Variants in YPEL5 observed in about 807,000 individuals in gnomAD.
The protein encoded by YPEL5 is yippee like 5.
In YPEL5, 1 loss-of-function variant was observed where a neutral mutation model predicts 10.5. The ratio of observed to expected loss-of-function variants is 0.10; its 90% CI spans 0.03 to 0.45. YPEL5 has a LOEUF of 0.45. Among genes scored for constraint, YPEL5 ranks in the 20% least tolerant of loss-of-function variants. The probability of loss-of-function intolerance (pLI) is 0.97; values close to 1 mark genes in which losing one functional copy is unlikely to be tolerated. For missense variants in YPEL5, 68 were observed against 159.3 expected, an observed-to-expected ratio of 0.43 and a Z score of 3.09; for synonymous variants, 61 against 56.6, an observed-to-expected ratio of 1.08 and a Z score of -0.35.
chr2:30,156,822 G>A, intron 2 of YPEL5, 30 bp downstream of exon 2: 1 of 1,613,054 alleles, frequency 6.2e-7, no homozygotes. Flanking sequence ...ATTCCTAAGT[G>A]GGCTTATTGG....
At chr2:30,157,080 C>G (rs1042699038) in intron 2 of YPEL5, among the ~76,000 whole-genome samples, 1 of 152,068 alleles carries the variant, frequency 6.6e-6, no homozygotes, top group Non-Finnish European at 1.5e-5. Context: ...GTCAGGAGTT[C>G]AAGACCAGCC....
rs986711930 is a variant in YPEL5, at chr2:30,159,620, A to G, written c.*777A>G. The G allele has an allele frequency of 1.3e-5, 2 of 152,528 alleles. No individual in the cohort carries two copies. Among genetic ancestry groups the G allele is most frequent in the East Asian group, 1.9e-4 (1 of 5,204 alleles). 9.4% of individuals were successfully genotyped at this position (152,528 alleles called of 1,614,324 possible). The stretch of plus-strand genomic sequence containing the variant: ...GGAGAGTATTTGATAAGCAATTTTC[A>G]TAGTAGTAAAGTTTTTTTTCATCTC... On this transcript the variant is annotated 3_prime_UTR_variant, in exon 3 of 3. Coordinates refer to ENST00000261353, the MANE Select transcript of YPEL5 (RefSeq NM_016061.3).
intron 2 of YPEL5, among the ~76,000 whole-genome samples, chr2:30,157,157 C>T (rs1301571460): frequency 6.6e-6 from 1 of 152,034 alleles, no homozygotes; most frequent in Non-Finnish European, 1.5e-5. Flanking sequence ...GTGGTGTGTG[C>T]CTCTAGTCCC....
chr2:30,149,920 G>T (rs1422316929), intron 1 of YPEL5, among the ~76,000 whole-genome samples: 2 of 152,242 alleles, frequency 1.3e-5, no homozygotes, highest in Non-Finnish European at 2.9e-5. Flanking sequence ...TGTGAACTGG[G>T]TGTTTTTCCG....
chr2:30,152,973 T>A (rs1171986793), intron 1 of YPEL5, among the ~76,000 whole-genome samples: 1 of 149,430 alleles, frequency 6.7e-6, no homozygotes, highest in African/African-American at 2.5e-5. Flanking sequence ...CAATCTCAGC[T>A]CACTGCAAGC....
intron 1 of YPEL5, 126 bp from the exon 2 acceptor site, chr2:30,156,502 C>A: frequency 1.2e-6 from 1 of 859,042 alleles, no homozygotes; most frequent in Non-Finnish European, 1.8e-6. Flanking sequence ...AGCTATTTCA[C>A]ACATCGAGTA....
chr2:30,156,202 C>G (rs1354849966), intron 1 of YPEL5, among the ~76,000 whole-genome samples: 2 of 152,210 alleles, frequency 1.3e-5, no homozygotes, highest in Admixed American at 1.3e-4. Flanking sequence ...CTACTTGTAT[C>G]CCACTGAAAC....
In YPEL5 at chr2:30,156,660, A is replaced by G. The variant is rs751228431; in HGVS notation, c.9A>G (p.Arg3=). 2.5e-6 allele frequency: 4 copies of G among 1,613,858 alleles called. No individual in the cohort carries two copies. The African/African-American group carries it at 4.0e-5, about 16-fold the overall frequency. MG[R]IFLDHIGGTR... ...GAACTTCAGCCATAAAAATGGGCAG[A>G]ATTTTCCTTGATCATATCGGTGGTA... is the stretch of plus-strand genomic sequence containing the variant. The change falls in exon 2 of 3, where the codon AGA becomes AGG. Residue 3 remains arginine, a synonymous_variant. Coordinates refer to ENST00000261353, the MANE Select transcript of YPEL5 (RefSeq NM_016061.3).
chr2:30,159,347 G>A lies in YPEL5; in HGVS notation c.*504G>A, dbSNP rs1676179946. 6.5e-6 allele frequency: 1 copy of A among 154,878 alleles called. No individual in the cohort carries two copies. The highest frequency in any genetic ancestry group is 1.4e-5 in the Non-Finnish European group (1 of 69,606). 9.6% of individuals were successfully genotyped at this position (154,878 alleles called of 1,614,324 possible). On this transcript the variant is annotated 3_prime_UTR_variant, in exon 3 of 3. Transcript: ENST00000261353. Reference sequence around the variant, plus strand: ...GTTAGCATGGCTTGTGCTGGCCGGTGTGCCATATTCTTGTTGGAGATGAAC... The same window carrying A: ...GTTAGCATGGCTTGTGCTGGCCGGTATGCCATATTCTTGTTGGAGATGAAC...
Position 30,160,333 on chromosome 2 carries a change from G to C in YPEL5, c.*1490G>C, listed in dbSNP as rs182276354. The stretch of plus-strand genomic sequence containing the variant: ...CTGTTGGTTAGAAGCATAGGTAACT[G>C]ATTAAGTAGGTATGATACTGCATTT... On this transcript the variant is annotated 3_prime_UTR_variant, in exon 3 of 3. Coordinates refer to ENST00000261353, the MANE Select transcript of YPEL5 (RefSeq NM_016061.3). The C allele has an allele frequency of 6.6e-6, 1 of 152,296 alleles. No individual in the cohort carries two copies. The highest frequency in any genetic ancestry group is 1.9e-4 in the East Asian group (1 of 5,184). 9.4% of individuals were successfully genotyped at this position (152,296 alleles called of 1,614,324 possible).
At chr2:30,157,456 A>G (rs1037558669) in intron 2 of YPEL5, among the ~76,000 whole-genome samples, 2 of 152,164 alleles carry the variant, frequency 1.3e-5, no homozygotes, top group Non-Finnish European at 1.5e-5. Flanking sequence ...GCGTTAAACT[A>G]TTATAACTTG....
At chr2:30,155,873 T>G (rs988628652) in intron 1 of YPEL5, 2 of 152,264 alleles carry the variant, frequency 1.3e-5, no homozygotes, top group African/African-American at 4.8e-5. Context: ...TGGACCATCT[T>G]GGAGGCAGTG....
intron 1 of YPEL5, among the ~76,000 whole-genome samples, chr2:30,153,114 G>A (rs1372994187): frequency 2.0e-5 from 3 of 152,130 alleles, no homozygotes; most frequent in Admixed American, 6.5e-5. Context: ...TGTTAGCCAG[G>A]ATGGTTTCGA....
rs1054477780 is a variant in YPEL5 at position 30,160,011 on chromosome 2, A to G, written c.*1168A>G. 9 of 152,638 alleles carry G rather than the reference A, an allele frequency of 5.9e-5. No homozygotes were observed. The highest frequency in any genetic ancestry group is 1.0e-4 in the Non-Finnish European group (7 of 68,030). The allele number at this position is 152,638 out of a possible 1,614,324, so 9.5% of individuals were successfully genotyped here. On this transcript the variant is annotated 3_prime_UTR_variant, in exon 3 of 3. Transcript: ENST00000261353. ...TGTACCCTCACATACAAAGGGATCA[A>G]ATTTGACCTGGTGTTATTTTAGCCC...
chr2:30,148,915 A>G (rs1323327367), intron 1 of YPEL5, among the ~76,000 whole-genome samples: 1 of 152,242 alleles, frequency 6.6e-6, no homozygotes, highest in African/African-American at 2.4e-5. Flanking sequence ...ATGGTGAATA[A>G]CTATAGAGAT....
At chr2:30,158,563 T>C in intron 2 of YPEL5, 56 bp from the exon 3 acceptor site, 1 of 1,541,492 alleles carries the variant, frequency 6.5e-7, no homozygotes, top group South Asian at 1.1e-5. Flanking sequence ...ATTTTGTACA[T>C]ACTTGGCAAA....
At position 30,147,977 on chromosome 2, in the gene YPEL5, CG is replaced by C. The variant is rs1007438411; in HGVS notation, c.-25+920del. ...ACTGCGGCTGCCGGGTGAGCCCACCCGGGGGTCGCCCGGGCCGGCCCAGCTC... is the reference window on the plus strand; with the variant it reads ...ACTGCGGCTGCCGGGTGAGCCCACCCGGGGTCGCCCGGGCCGGCCCAGCTC... On this transcript the variant is annotated intron_variant, in intron 1 of 2. Coordinates refer to ENST00000261353, the MANE Select transcript of YPEL5 (RefSeq NM_016061.3). The C allele has an allele frequency of 3.8e-4, 58 of 152,142 alleles. 2 individuals are homozygous for C. The East Asian group carries it at 0.011, about 28-fold the overall frequency. 9.4% of individuals were successfully genotyped at this position (152,142 alleles called of 1,614,324 possible). A position where few individuals can be genotyped will look rare whatever the true frequency, so the allele number is the denominator to read the frequency against.
At chr2:30,147,953 C>T (rs1675567158) in intron 1 of YPEL5, 1 of 152,148 alleles carries the variant, frequency 6.6e-6, no homozygotes. Flanking sequence ...GCGGGCCCCA[C>T]TGCGGCTGCC....
At chr2:30,149,771 T>C (rs1675697599) in intron 1 of YPEL5, among the ~76,000 whole-genome samples, 2 of 152,254 alleles carry the variant, frequency 1.3e-5, no homozygotes, top group South Asian at 4.1e-4. Context: ...TGCAGCAGTC[T>C]TTGTACCTTG....
Sources: allele counts gnomAD v4.1 joint callset (sites outside exome capture counted in the v4.1 genomes callset), GRCh38; gene constraint gnomAD v4.1.1; transcripts MANE v1.5; gene names NCBI Gene and HGNC (gene_info 2026-07-23, HGNC 2026-07-21).